Variants in SLIT3 observed in about 807,000 individuals in gnomAD.
SLIT3 encodes the protein slit homolog 3 protein.
In SLIT3, 68 loss-of-function variants were observed where a neutral mutation model predicts 184.0. The observed-to-expected ratio is 0.37, with a 90% confidence interval of 0.30 to 0.45. The LOEUF (loss-of-function observed/expected upper bound fraction) is 0.45. Among genes scored for constraint, SLIT3 ranks in the 20% least tolerant of loss-of-function variants. SLIT3 has a pLI of 1.00. For missense variants in SLIT3, 1,707 were observed against 2,026.0 expected (o/e 0.84, Z 3.02); for synonymous variants, 831 against 828.6 (o/e 1.00, Z -0.05).
intron 4 of SLIT3, among the ~76,000 whole-genome samples, chr5:169,045,860 C>CT: frequency 6.6e-6 from 1 of 152,330 alleles, no homozygotes; most frequent in South Asian, 2.1e-4. Flanking sequence ...TAAGTTTGTG[C>CT]TCACTTTTCA....
intron 4 of SLIT3, among the ~76,000 whole-genome samples, chr5:169,032,922 ATT>A (rs199911562): frequency 0.021 from 1,875 of 87,818 alleles, 9 homozygotes; most frequent in African/African-American, 0.032. Flanking sequence ...TTTTTCCTTG[ATT>A]TTTTTTTTTT....
At chr5:168,768,136 C>T (rs750977246) in intron 14 of SLIT3, 23 of 501,552 alleles carry the variant, frequency 4.6e-5, no homozygotes, top group South Asian at 1.0e-4. Context: ...GCGGCGGTGG[C>T]GGGCCATGCT....
At chr5:169,284,568 C>T (rs993329379) in intron 1 of SLIT3, among the ~76,000 whole-genome samples, 7 of 152,178 alleles carry the variant, frequency 4.6e-5, no homozygotes, top group Admixed American at 2.0e-4. Flanking sequence ...GAGACAGAAG[C>T]ATTCCTCATC....
Position 168,844,667 on chromosome 5 carries a change from C to T in SLIT3, c.486-12G>A. On this transcript the variant is annotated splice_polypyrimidine_tract_variant and intron_variant, in intron 5 of 35. Coordinates refer to ENST00000519560, the MANE Select transcript of SLIT3 (RefSeq NM_003062.4). ...TGTTGTCCAGTTGCCTGTGGAAAAG[C>T]AGGGGAGAGCATGAAGGCTGAGCGG... 6.2e-7 allele frequency: 1 copy of T among 1,613,944 alleles called. No homozygotes were observed. Among genetic ancestry groups the T allele is most frequent in the Non-Finnish European group, 8.5e-7 (1 of 1,179,918 alleles).
Position 168,723,920 on chromosome 5 carries a change from G to A in SLIT3, c.2339+496C>T, listed in dbSNP as rs981901091. 3.9e-5 allele frequency among the ~76,000 whole-genome samples: 6 copies of A among 152,292 alleles called. No individual in the cohort carries two copies. In the East Asian group the frequency reaches 1.2e-3, roughly 29 times the overall value. ...TGGTGAGGACCATTGCTTTAGAGCA[G>A]TGATTCTTAACTGGGGGCACTTGTG... On this transcript the variant is annotated intron_variant, in intron 21 of 35. Transcript: ENST00000519560.
At chr5:168,764,326 C>A (rs1270849231) in intron 14 of SLIT3, among the ~76,000 whole-genome samples, 3 of 152,166 alleles carry the variant, frequency 2.0e-5, no homozygotes, top group Admixed American at 2.0e-4. Context: ...TCATTTAATC[C>A]TTGCAACACT....
At chr5:168,917,464 G>GT (rs564155324) in intron 4 of SLIT3, among the ~76,000 whole-genome samples, 133 of 152,252 alleles carry the variant, frequency 8.7e-4, no homozygotes, top group African/African-American at 3.0e-3. Flanking sequence ...CAAATCCCTT[G>GT]TTTTTTATTG....
intron 4 of SLIT3, among the ~76,000 whole-genome samples, chr5:168,982,516 T>C (rs930778094): frequency 9.2e-5 from 14 of 152,248 alleles, no homozygotes; most frequent in African/African-American, 3.4e-4. Flanking sequence ...AGGTATTTTG[T>C]TATAAGCAAT....
At chr5:168,768,266 T>A in intron 14 of SLIT3, 1 of 500,702 alleles carries the variant, frequency 2.0e-6, no homozygotes, top group Non-Finnish European at 4.1e-6. Flanking sequence ...AGAGTCAAGG[T>A]CAGGAAGCAG....
At chr5:169,264,750 T>A (rs577248289) in intron 1 of SLIT3, among the ~76,000 whole-genome samples, 7 of 152,188 alleles carry the variant, frequency 4.6e-5, no homozygotes, top group Non-Finnish European at 7.3e-5. Flanking sequence ...ACAGGAGGCA[T>A]TATTAACTAT....
intron 3 of SLIT3, among the ~76,000 whole-genome samples, chr5:169,202,161 G>A (rs997203137): frequency 2.0e-5 from 3 of 152,156 alleles, no homozygotes; most frequent in Admixed American, 6.5e-5. Context: ...AAGCTTGGGA[G>A]GTGGAGGTTG....
chr5:169,123,438 A>C (rs1271910335), intron 4 of SLIT3, among the ~76,000 whole-genome samples: 1 of 152,238 alleles, frequency 6.6e-6, no homozygotes, highest in African/African-American at 2.4e-5. Flanking sequence ...TTTCCAAAAA[A>C]AAAAATTCAA....
chr5:169,289,996 C>A (rs556842612), intron 1 of SLIT3, among the ~76,000 whole-genome samples: 1 of 151,524 alleles, frequency 6.6e-6, no homozygotes, highest in Non-Finnish European at 1.5e-5. Flanking sequence ...CACACTAGGG[C>A]ATACACTAGG....
intron 3 of SLIT3, among the ~76,000 whole-genome samples, chr5:169,194,233 C>CAAAAAAA (rs10571842): frequency 1.5e-4 from 9 of 61,392 alleles, no homozygotes; most frequent in African/African-American, 2.8e-4. Flanking sequence ...GACTCTGTCT[C>CAAAAAAA]AAAAAAAAAA....
At chr5:169,041,338 T>A (rs1219285212) in intron 4 of SLIT3, among the ~76,000 whole-genome samples, 1 of 152,158 alleles carries the variant, frequency 6.6e-6, no homozygotes, top group Non-Finnish European at 1.5e-5. Context: ...CTCAGTCTAG[T>A]GGAGGTGACA....
At chr5:169,128,168 A>G (rs1268612792) in intron 4 of SLIT3, among the ~76,000 whole-genome samples, 2 of 150,828 alleles carry the variant, frequency 1.3e-5, no homozygotes, top group Non-Finnish European at 3.0e-5. Flanking sequence ...TTTAAAAAGC[A>G]TAAATAGAAG....
At chr5:169,168,972 C>T (rs539332169) in intron 4 of SLIT3, among the ~76,000 whole-genome samples, 2 of 152,300 alleles carry the variant, frequency 1.3e-5, no homozygotes, top group East Asian at 1.9e-4. Context: ...AGGGAGCCTG[C>T]TTAAGAGGCA....
chr5:168,688,997 C>T (rs1252549549), intron 29 of SLIT3, among the ~76,000 whole-genome samples: 1 of 152,242 alleles, frequency 6.6e-6, no homozygotes, highest in Non-Finnish European at 1.5e-5. Context: ...TTCTCACTCT[C>T]AGACTAAGCA....
chr5:169,256,811 G>A (rs2113605179), intron 1 of SLIT3, among the ~76,000 whole-genome samples: 1 of 152,190 alleles, frequency 6.6e-6, no homozygotes, highest in Middle Eastern at 3.4e-3. Context: ...GAGTTATTGT[G>A]GGAACGAGGT....
Sources: allele counts gnomAD v4.1 joint callset (sites outside exome capture counted in the v4.1 genomes callset), GRCh38; gene constraint gnomAD v4.1.1; transcripts MANE v1.5; gene names NCBI Gene and HGNC (gene_info 2026-07-23, HGNC 2026-07-21).